The following ABCB5 variants were observed in gnomAD, a reference collection of about 807,000 sequenced individuals.
The protein encoded by ABCB5 is ATP-binding cassette sub-family B member 5.
In ABCB5, 155 loss-of-function variants were observed where a neutral mutation model predicts 144.2. That is an observed-to-expected ratio of 1.08 (90% CI 0.94 to 1.23). ABCB5 has a LOEUF of 1.23. ABCB5 is among the 50% of genes most tolerant of loss of function. The pLI is 0.00. For missense variants in ABCB5, 1,830 were observed against 1,520.8 expected, an observed-to-expected ratio of 1.20 and a Z score of -3.38; for synonymous variants, 610 against 528.6, an observed-to-expected ratio of 1.15 and a Z score of -2.11.
intron 16 of ABCB5, among the ~76,000 whole-genome samples, chr7:20,691,975 G>A (rs1562564827): frequency 1.3e-5 from 2 of 151,984 alleles, no homozygotes; most frequent in East Asian, 1.9e-4. Flanking sequence ...AAATAGACCC[G>A]GAAATGGCAC....
At chr7:20,704,576 C>T (rs1488577955) in intron 19 of ABCB5, 148 bp from the exon 20 acceptor site, 2 of 577,672 alleles carry the variant, frequency 3.5e-6, no homozygotes, top group South Asian at 2.1e-5. Context: ...AAATAAGCAA[C>T]AGTCATTCAA....
intron 20 of ABCB5, among the ~76,000 whole-genome samples, chr7:20,722,290 G>A (rs1781892307): frequency 6.6e-6 from 1 of 152,088 alleles, no homozygotes; most frequent in African/African-American, 2.4e-5. Context: ...GAAGAATGTG[G>A]GTATGTACCT....
At chr7:20,655,788 T>C (rs943220362) in intron 13 of ABCB5, among the ~76,000 whole-genome samples, 2 of 152,232 alleles carry the variant, frequency 1.3e-5, no homozygotes, top group African/African-American at 4.8e-5. Context: ...TTTATGTGTA[T>C]GTGTAGAAAC....
chr7:20,701,735 A>G (rs1206885147), intron 19 of ABCB5, among the ~76,000 whole-genome samples: 1 of 152,224 alleles, frequency 6.6e-6, no homozygotes, highest in Non-Finnish European at 1.5e-5. Flanking sequence ...CATACTCACA[A>G]AGACTTGCAC....
rs1340806784 is a variant in ABCB5, at chr7:20,623,360, T to A, written c.53+22T>A. 4.6e-6 allele frequency: 7 copies of A among 1,527,802 alleles called. No individual in the cohort carries two copies. The Admixed American group carries it at 1.4e-4, about 30-fold the overall frequency. The allele number at this position is 1,527,802 out of a possible 1,614,324, so 94.6% of individuals were successfully genotyped here. On this transcript the variant is annotated intron_variant, in intron 2 of 27. Transcript: ENST00000404938. ...ATGGGTAAGCTCTCACTAAGTTCTG[T>A]AAGTATGCTTCCACAACTTCAAATA...
intron 7 of ABCB5, 65 bp from the exon 8 acceptor site, chr7:20,645,691 T>G (rs560675363): frequency 6.4e-7 from 1 of 1,560,750 alleles, no homozygotes; most frequent in African/African-American, 1.4e-5. Context: ...TCTGCCTGAC[T>G]TAAATGTTCA....
chr7:20,654,179 GTT>G (rs149803992), intron 13 of ABCB5, among the ~76,000 whole-genome samples: 1 of 149,146 alleles, frequency 6.7e-6, no homozygotes, highest in Non-Finnish European at 1.5e-5. Flanking sequence ...AATCAGCACT[GTT>G]TTTTTTTTGT....
At chr7:20,666,850 C>A in intron 14 of ABCB5, 2 of 1,456,010 alleles carry the variant, frequency 1.4e-6, no homozygotes, top group South Asian at 1.6e-5. Context: ...GCACTATCTC[C>A]CTAATCTTTA....
In ABCB5 at chr7:20,756,151, T is replaced by C. The variant is rs1008609970; in HGVS notation, c.*527T>C. 3.3e-5 allele frequency: 5 copies of C among 152,874 alleles called. No individual in the cohort carries two copies. The highest frequency in any genetic ancestry group is 9.6e-5 in the African/African-American group (4 of 41,458). 9.5% of individuals were successfully genotyped at this position (152,874 alleles called of 1,614,324 possible). A position where few individuals can be genotyped will look rare whatever the true frequency, so the allele number is the denominator to read the frequency against. The stretch of plus-strand genomic sequence containing the variant: ...GTATTCACTATTTCTCTAAATTTTA[T>C]TCTATTTTTTTGTTGAGCAGGGAAT... On this transcript the variant is annotated 3_prime_UTR_variant, in exon 28 of 28. Coordinates refer to ENST00000404938, the MANE Select transcript of ABCB5 (RefSeq NM_001163941.2).
At chr7:20,707,510 A>G (rs1786859103) in intron 20 of ABCB5, among the ~76,000 whole-genome samples, 1 of 152,186 alleles carries the variant, frequency 6.6e-6, no homozygotes, top group Non-Finnish European at 1.5e-5. Flanking sequence ...TTGGAAACTC[A>G]ATTCTGTAAA....
At chr7:20,749,205 C>CCTCCCTCCCTCCCCCTCT (rs1782834863) in intron 26 of ABCB5, among the ~76,000 whole-genome samples, 1 of 129,058 alleles carries the variant, frequency 7.7e-6, no homozygotes, top group Non-Finnish European at 1.7e-5. Context: ...CCTTCCCCTC[C>CCTCCCTCCCTCCCCCTCT]CTCCCTCCCT....
intron 20 of ABCB5, among the ~76,000 whole-genome samples, chr7:20,712,680 AT>A (rs1781525698): frequency 6.7e-6 from 1 of 149,264 alleles, no homozygotes; most frequent in African/African-American, 2.5e-5. Flanking sequence ...CAGATATTAT[AT>A]TTTTTATTTT....
At chr7:20,682,942 A>G (rs972038216) in intron 15 of ABCB5, among the ~76,000 whole-genome samples, 1 of 152,172 alleles carries the variant, frequency 6.6e-6, no homozygotes, top group Non-Finnish European at 1.5e-5. Context: ...AGTCATGGGA[A>G]TTAGGCTCTA....
At chr7:20,675,138 A>G (rs1491001109) in intron 14 of ABCB5, among the ~76,000 whole-genome samples, 7 of 152,116 alleles carry the variant, frequency 4.6e-5, no homozygotes, top group Middle Eastern at 6.8e-3. Flanking sequence ...AGAAATAAAG[A>G]ACTCACCCTA....
chr7:20,684,621 TA>T (rs1443201843), intron 15 of ABCB5, among the ~76,000 whole-genome samples: 2 of 150,362 alleles, frequency 1.3e-5, no homozygotes, highest in Non-Finnish European at 3.0e-5. Context: ...AAACAAAAAA[TA>T]AAAAATTTCA....
chr7:20,657,205 G>A lies in ABCB5; in HGVS notation c.1537-1301G>A, dbSNP rs1040932055. Among the ~76,000 whole-genome samples, 17 of 152,092 alleles carry A rather than the reference G, an allele frequency of 1.1e-4. No homozygotes were observed. The South Asian group carries it at 3.1e-3, about 28-fold the overall frequency. On this transcript the variant is annotated intron_variant, in intron 13 of 27. Transcript: ENST00000404938. ...ATTACAGGTGTGAACCACCACACCC[G>A]GACAAATTGTGATAGATCTAGAGTT...
rs1269266593 is a variant in ABCB5, at chr7:20,625,749, A to C, written c.54-808A>C. On this transcript the variant is annotated intron_variant, in intron 2 of 27. Transcript: ENST00000404938. ...TATGGTGCAGTGTGAATGTTCCTCA[A>C]AAAATCAATAATAGGTTTAACATGT... 2.6e-5 allele frequency among the ~76,000 whole-genome samples: 4 copies of C among 152,236 alleles called. No homozygotes were observed. The South Asian group carries it at 8.3e-4, about 32-fold the overall frequency.
rs146417085 is a variant in ABCB5, at chr7:20,663,217, T to C, written c.1707+4541T>C. 5.3e-4 allele frequency among the ~76,000 whole-genome samples: 81 copies of C among 152,300 alleles called. 2 individuals carry two copies. In the East Asian group the frequency reaches 7.1e-3, roughly 13 times the overall value. ...CAGGCTTCAAACCTCTTAATAAACA[T>C]AGAATTATCAAATTTCACTTCTGAG... On this transcript the variant is annotated intron_variant, in intron 14 of 27. Coordinates refer to ENST00000404938, the MANE Select transcript of ABCB5 (RefSeq NM_001163941.2).
intron 7 of ABCB5, among the ~76,000 whole-genome samples, chr7:20,644,251 G>GTATTTTTTGTAGAGACAGATTT: frequency 6.6e-6 from 1 of 152,104 alleles, no homozygotes; most frequent in East Asian, 1.9e-4. Context: ...GCTAACTTTT[G>GTATTTTTTGTAGAGACAGATTT]TATTTTTTGT....
Sources: gnomAD v4.1 joint callset for allele counts (sites outside exome capture counted in the v4.1 genomes callset) on GRCh38, gnomAD v4.1.1 for gene constraint, MANE v1.5 for transcripts, NCBI Gene and HGNC (gene_info 2026-07-23, HGNC 2026-07-21) for gene names.